Variants in NBEA observed in about 807,000 individuals in gnomAD.
The protein encoded by NBEA is neurobeachin.
In NBEA, 44 loss-of-function variants were observed where a neutral mutation model predicts 343.4. The observed-to-expected ratio is 0.13, with a 90% CI of 0.10 to 0.16. The LOEUF (loss-of-function observed/expected upper bound fraction) is 0.16, where lower values mean the gene tolerates loss of function less well. Ranked by LOEUF, NBEA falls within the 10% of genes least tolerant of loss-of-function variation. The pLI, the probability that NBEA is intolerant of heterozygous loss-of-function variation, is 1.00. For missense variants in NBEA, 2,555 were observed against 3,631.3 expected (o/e 0.70, Z 7.62); for synonymous variants, 1,175 against 1,238.7 (o/e 0.95, Z 1.08).
At chr13:35,357,535 TGAGAAC>T (rs2040560564) in intron 38 of NBEA, among the ~76,000 whole-genome samples, 1 of 152,124 alleles carries the variant, frequency 6.6e-6, no homozygotes, top group Admixed American at 6.5e-5. Flanking sequence ...CACTTGTAAG[TGAGAAC>T]ACGTGGGATT....
intron 56 of NBEA, among the ~76,000 whole-genome samples, chr13:35,665,632 T>G (rs1259703465): frequency 6.6e-6 from 1 of 152,088 alleles, no homozygotes; most frequent in Non-Finnish European, 1.5e-5. Flanking sequence ...TTGGAGGTTT[T>G]GTTTTGTTTT....
chr13:35,502,073 G>A (rs867165234), intron 41 of NBEA, among the ~76,000 whole-genome samples: 1 of 152,090 alleles, frequency 6.6e-6, no homozygotes, highest in African/African-American at 2.4e-5. Context: ...CTTGCCTGCC[G>A]GGGCTTTAGT....
rs374698503 is a variant in NBEA, at chr13:35,217,002, T to TA, written c.5648+5824dup. Among the ~76,000 whole-genome samples, 638 of 152,114 alleles carry TA rather than the reference T, an allele frequency of 4.2e-3. 4 individuals are homozygous for TA. The highest frequency in any genetic ancestry group is 0.012 in the African/African-American group (518 of 41,558). On this transcript the variant is annotated intron_variant, in intron 33 of 58. Coordinates refer to ENST00000379939, the MANE Select transcript of NBEA (RefSeq NM_001385012.1). The stretch of plus-strand genomic sequence containing the variant: ...GTCTTCTAGAGTGGCTTAACCACTT[T>TA]ATGTTTCCACTGGCAATGTGTGAGT...
intron 38 of NBEA, among the ~76,000 whole-genome samples, chr13:35,365,367 A>G (rs117707557): frequency 0.026 from 3,989 of 151,802 alleles, 80 homozygotes; most frequent in Non-Finnish European, 0.038. Flanking sequence ...GATTCCCTAC[A>G]TTAATGAAAC....
At chr13:35,056,571 A>T (rs1380003139) in intron 7 of NBEA, among the ~76,000 whole-genome samples, 2 of 151,964 alleles carry the variant, frequency 1.3e-5, no homozygotes, top group Non-Finnish European at 2.9e-5. Context: ...TGGTCCAGAG[A>T]TGATTTTAGT....
At chr13:35,120,808 T>G (rs1422786078) in intron 16 of NBEA, among the ~76,000 whole-genome samples, 1 of 129,310 alleles carries the variant, frequency 7.7e-6, no homozygotes, top group East Asian at 2.6e-4. Context: ...CTGAATATAG[T>G]GAGCTTAAGC....
intron 41 of NBEA, among the ~76,000 whole-genome samples, chr13:35,522,273 G>T (rs533434073): frequency 6.6e-6 from 1 of 151,796 alleles, no homozygotes; most frequent in Non-Finnish European, 1.5e-5. Context: ...ATCGAGACCA[G>T]CCTGGCCAAT....
rs181334816 is a variant in NBEA, at chr13:35,572,145, C to T, written c.7035+5128C>T. 3.0e-4 allele frequency among the ~76,000 whole-genome samples: 46 copies of T among 152,274 alleles called. No homozygotes were observed. In the East Asian group the frequency reaches 8.5e-3, roughly 28 times the overall value. On this transcript the variant is annotated intron_variant, in intron 45 of 58. Coordinates refer to ENST00000379939, the MANE Select transcript of NBEA (RefSeq NM_001385012.1). ...ACAGTAGGTTTAGAGATTTCCTCCC[C>T]ACCCCATTTATATAGGTATTCCTTA...
chr13:35,622,125 A>C (rs2083021415), intron 48 of NBEA, among the ~76,000 whole-genome samples: 1 of 152,216 alleles, frequency 6.6e-6, no homozygotes, highest in Non-Finnish European at 1.5e-5. Context: ...AAGGATGAGT[A>C]GGTCTTCAAA....
chr13:35,327,893 G>A (rs1359350730), intron 36 of NBEA, among the ~76,000 whole-genome samples: 5 of 151,754 alleles, frequency 3.3e-5, no homozygotes, highest in Non-Finnish European at 1.5e-5. Flanking sequence ...GAAAAAGTCA[G>A]CATCTATTCC....
At chr13:35,187,776 G>A (rs1004785734) in intron 30 of NBEA, among the ~76,000 whole-genome samples, 3 of 151,710 alleles carry the variant, frequency 2.0e-5, no homozygotes, top group African/African-American at 7.3e-5. Flanking sequence ...ATTTCACAAG[G>A]GCCCTAGATA....
intron 11 of NBEA, among the ~76,000 whole-genome samples, chr13:35,104,418 C>T (rs1419635497): frequency 6.6e-6 from 1 of 151,808 alleles, no homozygotes; most frequent in Admixed American, 6.6e-5. Context: ...ATATTTTTGT[C>T]TCCCCTTATT....
chr13:35,278,114 A>G (rs931324808), intron 34 of NBEA, among the ~76,000 whole-genome samples: 1 of 147,922 alleles, frequency 6.8e-6, no homozygotes, highest in Non-Finnish European at 1.5e-5. Flanking sequence ...TATAAAATAT[A>G]TATATATACA....
intron 41 of NBEA, among the ~76,000 whole-genome samples, chr13:35,540,093 G>C (rs1594920957): frequency 6.6e-6 from 1 of 151,934 alleles, no homozygotes; most frequent in South Asian, 2.1e-4. Flanking sequence ...CATTCTGGCT[G>C]TATCTAAAAT....
At chr13:35,316,857 G>T (rs1281863583) in intron 36 of NBEA, among the ~76,000 whole-genome samples, 2 of 152,016 alleles carry the variant, frequency 1.3e-5, no homozygotes, top group African/African-American at 4.8e-5. Flanking sequence ...CTCTAATGAC[G>T]AGGGATGATG....
At chr13:35,476,266 G>A in intron 41 of NBEA, 1 of 1,484,364 alleles carries the variant, frequency 6.7e-7, no homozygotes, top group East Asian at 2.3e-5. Context: ...GATCAAAAAT[G>A]CCTTTCGGAA....
chr13:35,212,179 C>T (rs770877528), intron 33 of NBEA, among the ~76,000 whole-genome samples: 1 of 152,124 alleles, frequency 6.6e-6, no homozygotes, highest in African/African-American at 2.4e-5. Context: ...ACTGTTCTTG[C>T]TTTTCTTCCA....
At chr13:35,625,489 C>T (rs763618134) in intron 48 of NBEA, among the ~76,000 whole-genome samples, 35 of 151,940 alleles carry the variant, frequency 2.3e-4, no homozygotes, top group East Asian at 1.2e-3. Flanking sequence ...GGCACGGTGG[C>T]GCATGTCTGT....
chr13:35,348,017 A>G (rs2039985130), intron 36 of NBEA, among the ~76,000 whole-genome samples: 1 of 152,144 alleles, frequency 6.6e-6, no homozygotes, highest in Non-Finnish European at 1.5e-5. Context: ...GGAGTCACAT[A>G]GCATCACTTC....
Sources: gnomAD v4.1 joint callset for allele counts (sites outside exome capture counted in the v4.1 genomes callset) on GRCh38, gnomAD v4.1.1 for gene constraint, MANE v1.5 for transcripts, NCBI Gene and HGNC (gene_info 2026-07-23, HGNC 2026-07-21) for gene names.